AFF3: variants seen among roughly 807,000 people sequenced by gnomAD.
AFF3 encodes the protein AF4/FMR2 family member 3.
AFF3 carries 32 observed loss-of-function variants against 129.7 expected under a neutral mutation model. The observed-to-expected ratio is 0.25, with a 90% CI of 0.19 to 0.33. AFF3 has a LOEUF of 0.33. Ranked by LOEUF, AFF3 falls within the 10% of genes least tolerant of loss-of-function variation. The pLI, the probability that AFF3 is intolerant of heterozygous loss-of-function variation, is 1.00. For synonymous variants in AFF3, 644 were observed against 635.4 expected, an observed-to-expected ratio of 1.01 and a Z score of -0.20; for missense variants, 1,373 against 1,592.0, an observed-to-expected ratio of 0.86 and a Z score of 2.34.
intron 7 of AFF3, among the ~76,000 whole-genome samples, chr2:99,975,050 A>T (rs1678740793): frequency 1.3e-5 from 2 of 152,178 alleles, no homozygotes; most frequent in African/African-American, 4.8e-5. Context: ...AATAACCAGG[A>T]TTATGTGGGC....
intron 8 of AFF3, among the ~76,000 whole-genome samples, chr2:99,794,152 G>A (rs980946015): frequency 5.3e-5 from 8 of 152,128 alleles, no homozygotes; most frequent in Admixed American, 1.3e-4. Context: ...ATTGAGATTG[G>A]TTTTATACCC....
At chr2:99,962,641 T>G (rs1289587577) in intron 7 of AFF3, among the ~76,000 whole-genome samples, 1 of 151,864 alleles carries the variant, frequency 6.6e-6, no homozygotes, top group Non-Finnish European at 1.5e-5. Context: ...ATGGGCTCAA[T>G]AGTAAAGTGG....
At chr2:100,076,131 T>C (rs1432643635) in intron 4 of AFF3, among the ~76,000 whole-genome samples, 1 of 152,200 alleles carries the variant, frequency 6.6e-6, no homozygotes, top group East Asian at 1.9e-4. Flanking sequence ...AATCAGGGTA[T>C]GGATGCAGAG....
intron 11 of AFF3, among the ~76,000 whole-genome samples, chr2:99,717,260 C>G (rs998730844): frequency 6.6e-6 from 1 of 152,184 alleles, no homozygotes; most frequent in African/African-American, 2.4e-5. Context: ...AATGCAATGG[C>G]TAGGTCATGC....
chr2:99,738,952 T>C (rs762852806), intron 10 of AFF3, among the ~76,000 whole-genome samples: 2 of 151,730 alleles, frequency 1.3e-5, no homozygotes, highest in Non-Finnish European at 2.9e-5. Flanking sequence ...TCTGGTACTA[T>C]CTTAGAATGT....
At chr2:99,857,284 A>G (rs780500796) in intron 7 of AFF3, among the ~76,000 whole-genome samples, 2 of 152,262 alleles carry the variant, frequency 1.3e-5, no homozygotes, top group Non-Finnish European at 2.9e-5. Context: ...GAATCAGAAC[A>G]TAATCCTGCA....
chr2:99,595,065 G>C (rs1274340611), intron 14 of AFF3, among the ~76,000 whole-genome samples: 2 of 152,210 alleles, frequency 1.3e-5, no homozygotes, highest in African/African-American at 4.8e-5. Flanking sequence ...TGAGGGTGGG[G>C]GGATGGCTAG....
chr2:99,740,016 T>G (rs1419513360), intron 10 of AFF3, among the ~76,000 whole-genome samples: 1 of 137,076 alleles, frequency 7.3e-6, no homozygotes, highest in Non-Finnish European at 1.5e-5. Flanking sequence ...CCTGTGTCCA[T>G]GTGTTCTCAT....
intron 12 of AFF3, among the ~76,000 whole-genome samples, chr2:99,671,957 C>A (rs1687178549): frequency 6.6e-6 from 1 of 152,034 alleles, no homozygotes; most frequent in Non-Finnish European, 1.5e-5. Context: ...TAAATCAACA[C>A]CAGGGGAGAA....
At chr2:99,931,442 C>G (rs536559458) in intron 7 of AFF3, among the ~76,000 whole-genome samples, 13 of 152,334 alleles carry the variant, frequency 8.5e-5, no homozygotes, top group African/African-American at 2.9e-4. Flanking sequence ...ATCGATATGG[C>G]TAGAAACAGG....
chr2:99,582,080 C>G (rs577253991), intron 17 of AFF3, among the ~76,000 whole-genome samples: 1 of 152,014 alleles, frequency 6.6e-6, no homozygotes. Context: ...GTCTTGAACT[C>G]CTGACCTCAG....
chr2:99,621,288 G>T (rs117733293), intron 13 of AFF3, among the ~76,000 whole-genome samples: 2 of 152,156 alleles, frequency 1.3e-5, no homozygotes, highest in African/African-American at 2.4e-5. Flanking sequence ...CCCTAAATTC[G>T]CACACAGCAT....
intron 15 of AFF3, among the ~76,000 whole-genome samples, chr2:99,589,944 T>C (rs1678503320): frequency 6.6e-6 from 1 of 152,222 alleles, no homozygotes; most frequent in Admixed American, 6.5e-5. Context: ...ATACACACTG[T>C]ACTTCTTTGG....
At chr2:99,778,071 G>A (rs888857575) in intron 8 of AFF3, among the ~76,000 whole-genome samples, 1 of 151,986 alleles carries the variant, frequency 6.6e-6, no homozygotes, top group African/African-American at 2.4e-5. Flanking sequence ...ATAAAGACAG[G>A]TTTCAGTTGG....
intron 12 of AFF3, among the ~76,000 whole-genome samples, chr2:99,656,448 C>T (rs951884444): frequency 7.2e-5 from 11 of 152,188 alleles, no homozygotes; most frequent in Admixed American, 3.3e-4. Flanking sequence ...CTTGAATAAA[C>T]GCCCTTGCAG....
At chr2:99,872,075 G>A (rs376547511) in intron 7 of AFF3, among the ~76,000 whole-genome samples, 67 of 151,732 alleles carry the variant, frequency 4.4e-4, no homozygotes, top group African/African-American at 1.5e-3. Flanking sequence ...TCGTGGTGGT[G>A]GGCGCCTGTA....
In AFF3 at chr2:100,141,630, T is replaced by A. The variant is rs1285174195; in HGVS notation, c.-228+854A>T. 2.0e-5 allele frequency among the ~76,000 whole-genome samples: 3 copies of A among 152,360 alleles called. No individual in the cohort carries two copies. The East Asian group carries it at 5.8e-4, about 29-fold the overall frequency. On this transcript the variant is annotated intron_variant, in intron 1 of 24. Coordinates refer to ENST00000672756, the MANE Select transcript of AFF3 (RefSeq NM_001386135.1). ...TCCCCTCTTTGAATAAAAGGAATTA[T>A]GAAACACATGTGTAGACATATTTCA... is the stretch of plus-strand genomic sequence containing the variant.
At chr2:99,604,086 T>G (rs1196496946) in intron 13 of AFF3, among the ~76,000 whole-genome samples, 1 of 152,094 alleles carries the variant, frequency 6.6e-6, no homozygotes, top group Non-Finnish European at 1.5e-5. Flanking sequence ...GACCTAAAGA[T>G]AGAAATATCA....
At chr2:100,106,607 C>A in intron 2 of AFF3, 1 of 988,992 alleles carries the variant, frequency 1.0e-6, no homozygotes, top group Non-Finnish European at 1.2e-6. Context: ...TCTGGAAGAA[C>A]TGCAAGTTCT....
Sources: allele counts gnomAD v4.1 joint callset (sites outside exome capture counted in the v4.1 genomes callset), GRCh38; gene constraint gnomAD v4.1.1; transcripts MANE v1.5; gene names NCBI Gene and HGNC (gene_info 2026-07-23, HGNC 2026-07-21).